Variants in EHMT1 observed in about 807,000 individuals in gnomAD.
EHMT1 encodes euchromatic histone lysine methyltransferase 1, also known as histone-lysine N-methyltransferase EHMT1.
In EHMT1, 15 loss-of-function variants were observed where a neutral mutation model predicts 147.2. The observed-to-expected ratio is 0.10, with a 90% CI of 0.07 to 0.16. The LOEUF is 0.16. EHMT1 is among the 10% of genes least tolerant of loss of function. The probability of loss-of-function intolerance (pLI) is 1.00; values close to 1 mark genes in which losing one functional copy is unlikely to be tolerated. For synonymous variants in EHMT1, 795 were observed against 709.6 expected, an observed-to-expected ratio of 1.12 and a Z score of -1.91; for missense variants, 1,587 against 1,772.4, an observed-to-expected ratio of 0.90 and a Z score of 1.88.
chr9:137,725,090 G>A (rs972135006), intron 3 of EHMT1, among the ~76,000 whole-genome samples: 8 of 138,462 alleles, frequency 5.8e-5, no homozygotes, highest in South Asian at 2.5e-4. Flanking sequence ...ATGGGCAGGC[G>A]TGTGGCATTC....
At chr9:137,643,922 A>G (rs993685406) in intron 1 of EHMT1, among the ~76,000 whole-genome samples, 9 of 152,152 alleles carry the variant, frequency 5.9e-5, no homozygotes, top group African/African-American at 1.9e-4. Flanking sequence ...TGAGTACTTC[A>G]TCTGCAGCAT....
At chr9:137,832,301 C>T (rs1350672713) in intron 25 of EHMT1, among the ~76,000 whole-genome samples, 4 of 118,292 alleles carry the variant, frequency 3.4e-5, no homozygotes, top group South Asian at 6.2e-4. Context: ...ACCTCGCTCC[C>T]GTCCTAGAAT....
rs529750103 is a variant in EHMT1 at position 137,711,014 on chromosome 9, C to G, written c.69C>G (p.Thr23=). The change falls in exon 2 of 27, where the codon ACC becomes ACG. Residue 23 remains threonine, a synonymous_variant. Transcript: ENST00000460843. ...CTCAGCAGGATTGCTGTGTGAAAAC[C>G]GAGCTGCTGGGAGAAGGTGAGGGCG... ...GEPQQDCCVK[T]ELLGEETPMA... The G allele has an allele frequency of 1.3e-6, 2 of 1,595,570 alleles. No individual in the cohort carries two copies. The highest frequency in any genetic ancestry group is 1.7e-5 in the Admixed American group (1 of 57,420).
rs897443756 is a variant in EHMT1 at position 137,775,622 on chromosome 9, G to A, written c.1791+370G>A. On this transcript the variant is annotated intron_variant, in intron 11 of 26. Transcript: ENST00000460843. This position sits in a 1 kb window ranked among gnomAD's most constrained non-coding sequence, Gnocchi z 6.1. ...GCTTGTGACGCACTGGAGACTCCAGGTGGAGGCTGTACTGAGGACGTTCAT... is the reference window on the plus strand; with the variant it reads ...GCTTGTGACGCACTGGAGACTCCAGATGGAGGCTGTACTGAGGACGTTCAT... 1.3e-5 allele frequency among the ~76,000 whole-genome samples: 2 copies of A among 151,930 alleles called. No individual in the cohort carries two copies. The highest frequency in any genetic ancestry group is 1.3e-4 in the Admixed American group (2 of 15,278).
chr9:137,736,613 G>A (rs116331935), intron 4 of EHMT1, among the ~76,000 whole-genome samples: 8 of 152,348 alleles, frequency 5.3e-5, no homozygotes, highest in East Asian at 3.9e-4. Flanking sequence ...GATTTGAGCC[G>A]GGCGCGATGG....
chr9:137,787,649 G>A lies in EHMT1; in HGVS notation c.2383-3199G>A, dbSNP rs1186474128. 1.0e-5 allele frequency: 6 copies of A among 577,228 alleles called. No homozygotes were observed. The highest frequency in any genetic ancestry group is 1.9e-5 in the African/African-American group (1 of 53,628). 35.8% of individuals were successfully genotyped at this position (577,228 alleles called of 1,614,324 possible). A position where few individuals can be genotyped will look rare whatever the true frequency, so the allele number is the denominator to read the frequency against. Reference sequence around the variant, plus strand: ...GGGGTGGAAGCGGGAGGGAGGAGGGGCCTGTCTTAAGAGCCTCACAGGCTG... The same window carrying A: ...GGGGTGGAAGCGGGAGGGAGGAGGGACCTGTCTTAAGAGCCTCACAGGCTG... On this transcript the variant is annotated intron_variant, in intron 15 of 26. Coordinates refer to ENST00000460843, the MANE Select transcript of EHMT1 (RefSeq NM_024757.5). The surrounding 1 kb of genome is among the most constrained non-coding windows in gnomAD (Gnocchi z 4.2).
intron 18 of EHMT1, among the ~76,000 whole-genome samples, chr9:137,803,835 AT>A (rs1953702657): frequency 6.7e-6 from 1 of 150,244 alleles, no homozygotes; most frequent in Non-Finnish European, 1.5e-5. Context: ...TGTCTCAAAA[AT>A]TAAAAAAAAA....
In EHMT1 at chr9:137,813,540, G is replaced by T. The variant is rs113676865; in HGVS notation, c.3180+10G>T. 5,227 of 1,613,442 alleles carry T rather than the reference G, an allele frequency of 3.2e-3. 50 individuals carry two copies. The highest frequency in any genetic ancestry group is 0.02 in the South Asian group (1,807 of 91,000). Reference sequence around the variant, plus strand: ...TATCACTCATCTGCAGGTGAGTGACGGCAGATGAAGGGCTGACTCAGGCCA... The same window carrying T: ...TATCACTCATCTGCAGGTGAGTGACTGCAGATGAAGGGCTGACTCAGGCCA... On this transcript the variant is annotated intron_variant, in intron 21 of 26. Coordinates refer to ENST00000460843, the MANE Select transcript of EHMT1 (RefSeq NM_024757.5). The surrounding 1 kb of genome is among the most constrained non-coding windows in gnomAD (Gnocchi z 4.9).
intron 1 of EHMT1, among the ~76,000 whole-genome samples, chr9:137,671,052 C>T (rs1229295183): frequency 6.6e-6 from 1 of 152,184 alleles, no homozygotes; most frequent in Non-Finnish European, 1.5e-5. Flanking sequence ...TGTCCCGGGC[C>T]GTGAGCTGTG....
In EHMT1 at chr9:137,826,775, C is replaced by T. The variant is rs537326640; in HGVS notation, c.3541-7574C>T. On this transcript the variant is annotated intron_variant, in intron 25 of 26. Transcript: ENST00000460843. ...ACACAGGCCTGTCTCCCTGCTGATG[C>T]GGCTGTGGCCTTCACTGGCCAGGTT... is the stretch of plus-strand genomic sequence containing the variant. 3.9e-5 allele frequency among the ~76,000 whole-genome samples: 6 copies of T among 152,342 alleles called. No individual in the cohort carries two copies. In the East Asian group the frequency reaches 9.7e-4, roughly 25 times the overall value.
intron 25 of EHMT1, chr9:137,832,555 C>T (rs1158712103): frequency 7.2e-6 from 1 of 137,974 alleles, no homozygotes; most frequent in Non-Finnish European, 1.6e-5. Flanking sequence ...CATGTGGCCC[C>T]TGTGCCTTCT....
intron 1 of EHMT1, among the ~76,000 whole-genome samples, chr9:137,644,325 A>G (rs965462470): frequency 5.4e-5 from 8 of 146,840 alleles, no homozygotes; most frequent in Admixed American, 2.2e-4. Flanking sequence ...AAACAGTCAC[A>G]TACTTTTTTT....
intron 16 of EHMT1, among the ~76,000 whole-genome samples, chr9:137,793,444 G>A (rs1411581972): frequency 6.6e-6 from 1 of 152,240 alleles, no homozygotes; most frequent in East Asian, 1.9e-4. Flanking sequence ...TTGCTAGTGG[G>A]GATGTAAACG....
chr9:137,806,526 C>G (rs371518462), intron 18 of EHMT1, among the ~76,000 whole-genome samples: 4 of 151,970 alleles, frequency 2.6e-5, no homozygotes, highest in African/African-American at 4.8e-5. Context: ...CCGCCTTCTT[C>G]CAGGTTTCAG....
At chr9:137,756,261 A>G (rs1016175241) in intron 8 of EHMT1, among the ~76,000 whole-genome samples, 1 of 152,254 alleles carries the variant, frequency 6.6e-6, no homozygotes, top group Non-Finnish European at 1.5e-5. Flanking sequence ...TGCAGCTGCC[A>G]TAGGCACTGC....
chr9:137,702,685 C>T (rs780725644), intron 1 of EHMT1, among the ~76,000 whole-genome samples: 17 of 152,246 alleles, frequency 1.1e-4, no homozygotes, highest in Middle Eastern at 3.4e-3. Flanking sequence ...GGGTAGTGGT[C>T]CTCTTCTCAC....
intron 13 of EHMT1, 60 bp downstream of exon 13, chr9:137,778,115 G>GT: frequency 6.2e-7 from 1 of 1,604,524 alleles, no homozygotes; most frequent in Non-Finnish European, 8.5e-7. Flanking sequence ...TGCACCCCGC[G>GT]TTTTTCCCCA....
chr9:137,809,669 C>CTTTT (rs886074669), intron 18 of EHMT1, among the ~76,000 whole-genome samples: 1 of 152,244 alleles, frequency 6.6e-6, no homozygotes, highest in African/African-American at 2.4e-5. Context: ...CGCTCACGTG[C>CTTTT]TTTTAATCCA....
In EHMT1 at chr9:137,776,757, A is replaced by T; in HGVS notation, c.1931A>T (p.Lys644Ile). ...AAGGCCAAAGAGGTGACGATAGCTAAAGCAGACACCACCTCGACCGTGACA... is the reference window on the plus strand; with the variant it reads ...AAGGCCAAAGAGGTGACGATAGCTATAGCAGACACCACCTCGACCGTGACA... The part of the protein sequence containing the change: ...SSKAKEVTIA[K>I]ADTTSTVTPV... Residue 644 changes from lysine to isoleucine, a missense_variant, in exon 12 of 27, where the codon AAA (lysine) becomes ATA (isoleucine). By Grantham distance (102) the Lys-to-Ile change is moderately radical. Transcript: ENST00000460843. This position sits in a 1 kb window ranked among gnomAD's most constrained non-coding sequence, Gnocchi z 4.4. 1 of 1,614,050 alleles carries T rather than the reference A, an allele frequency of 6.2e-7. No individual in the cohort carries two copies. The highest frequency in any genetic ancestry group is 8.5e-7 in the Non-Finnish European group (1 of 1,180,018).
Sources: gnomAD v4.1 joint callset for allele counts (sites outside exome capture counted in the v4.1 genomes callset) on GRCh38, gnomAD v4.1.1 for gene constraint, Gnocchi (gnomAD v3.1) non-coding constraint, MANE v1.5 for transcripts, NCBI Gene and HGNC (gene_info 2026-07-23, HGNC 2026-07-21) for gene names.